The following CTIF variants were observed in gnomAD, a reference collection of about 807,000 sequenced individuals.
The protein encoded by CTIF is cap binding complex dependent translation initiation factor.
Under a neutral mutation model 66.0 loss-of-function variants are expected in CTIF, and 21 were observed. The ratio of observed to expected loss-of-function variants is 0.32; its 90% CI spans 0.23 to 0.46. CTIF has a LOEUF of 0.46. Ranked by LOEUF, CTIF falls within the 20% of genes least tolerant of loss-of-function variation. The probability of loss-of-function intolerance (pLI) is 1.00; values close to 1 mark genes in which losing one functional copy is unlikely to be tolerated. For missense variants in CTIF, 739 were observed against 812.7 expected, an observed-to-expected ratio of 0.91 and a Z score of 1.10; for synonymous variants, 345 against 326.4, an observed-to-expected ratio of 1.06 and a Z score of -0.62.
chr18:48,606,951 AC>A (rs2090212669), intron 1 of CTIF, among the ~76,000 whole-genome samples: 1 of 152,224 alleles, frequency 6.6e-6, no homozygotes, highest in South Asian at 2.1e-4. Context: ...TTCTCAATAA[AC>A]ACAGGTATTT....
intron 1 of CTIF, among the ~76,000 whole-genome samples, chr18:48,612,528 C>T (rs887608778): frequency 6.6e-6 from 1 of 152,254 alleles, no homozygotes; most frequent in Non-Finnish European, 1.5e-5. Flanking sequence ...CCAGGAGCTG[C>T]TTGCTGGAGA....
At chr18:48,853,567 T>C (rs956209954) in intron 10 of CTIF, among the ~76,000 whole-genome samples, 5 of 152,202 alleles carry the variant, frequency 3.3e-5, no homozygotes, top group Non-Finnish European at 5.9e-5. Context: ...TGCTCACTCA[T>C]CCCAAAACGA....
chr18:48,717,059 G>A (rs148055593), intron 7 of CTIF, among the ~76,000 whole-genome samples: 1,694 of 152,284 alleles, frequency 0.011, 13 homozygotes, highest in Non-Finnish European at 0.017. Flanking sequence ...TCTGTCCTGC[G>A]ATTGACCGTG....
chr18:48,802,587 G>A (rs1380336347), intron 9 of CTIF, among the ~76,000 whole-genome samples: 2 of 152,244 alleles, frequency 1.3e-5, no homozygotes, highest in African/African-American at 2.4e-5. Context: ...CCAGTGAGCT[G>A]CTGTGTGGGG....
chr18:48,819,320 G>A (rs902332726), intron 10 of CTIF, among the ~76,000 whole-genome samples: 5 of 152,240 alleles, frequency 3.3e-5, no homozygotes, highest in Non-Finnish European at 7.3e-5. Flanking sequence ...GGGCCTGCGT[G>A]GCCTCTTGGG....
At position 48,861,170 on chromosome 18, in the gene CTIF, G is replaced by A. The variant is rs1365299771; in HGVS notation, c.*1611G>A. ...TGGCGAGTGGGGAGAGGCTTCCCCA[G>A]TTCTCTCCAGCTTTCCCTGCAGCTG... On this transcript the variant is annotated 3_prime_UTR_variant, in exon 12 of 12. Transcript: ENST00000256413. 6.6e-6 allele frequency: 1 copy of A among 152,346 alleles called. No individual in the cohort carries two copies. Among genetic ancestry groups the A allele is most frequent in the Non-Finnish European group, 1.5e-5 (1 of 68,208 alleles). 9.4% of individuals were successfully genotyped at this position (152,346 alleles called of 1,614,324 possible).
chr18:48,785,587 T>G (rs1202617005), intron 9 of CTIF, among the ~76,000 whole-genome samples: 1 of 151,784 alleles, frequency 6.6e-6, no homozygotes, highest in African/African-American at 2.4e-5. Context: ...GCAAAAGGCT[T>G]TCAAAAGTGA....
At chr18:48,805,418 G>A (rs1220169420) in intron 9 of CTIF, among the ~76,000 whole-genome samples, 4 of 151,112 alleles carry the variant, frequency 2.6e-5, no homozygotes, top group Admixed American at 2.0e-4. Context: ...GGACCAAGGA[G>A]GAAAGCCTGC....
chr18:48,579,223 G>GTTCAAGTGATTCTCCCAAA (rs879815920), intron 1 of CTIF, among the ~76,000 whole-genome samples: 9 of 152,130 alleles, frequency 5.9e-5, no homozygotes, highest in Non-Finnish European at 5.9e-5. Context: ...CGCCTCCCAG[G>GTTCAAGTGATTCTCCCAAA]TTCAAGTGAT....
At chr18:48,620,394 AAAGTATGAATGCATT>A (rs2090472449) in intron 2 of CTIF, among the ~76,000 whole-genome samples, 1 of 152,170 alleles carries the variant, frequency 6.6e-6, no homozygotes. Context: ...TCTCCCTCAT[AAAGTATGAATGCATT>A]AAGGATAGGG....
intron 3 of CTIF, among the ~76,000 whole-genome samples, chr18:48,658,320 T>C (rs373645948): frequency 5.9e-5 from 9 of 152,168 alleles, no homozygotes; most frequent in African/African-American, 2.2e-4. Flanking sequence ...TGTGCCTGTA[T>C]GTGTGGTGTA....
At chr18:48,855,780 G>A (rs2069314470) in intron 10 of CTIF, among the ~76,000 whole-genome samples, 1 of 152,198 alleles carries the variant, frequency 6.6e-6, no homozygotes, top group Non-Finnish European at 1.5e-5. Context: ...AATGTCTCCA[G>A]GACGTTTTAC....
At chr18:48,858,421 A>C (rs2069378872) in intron 11 of CTIF, among the ~76,000 whole-genome samples, 1 of 152,214 alleles carries the variant, frequency 6.6e-6, no homozygotes, top group African/African-American at 2.4e-5. Flanking sequence ...AGAAGGAGAA[A>C]GCCTGGTCCT....
intron 10 of CTIF, among the ~76,000 whole-genome samples, chr18:48,831,210 CTG>C (rs1170410295): frequency 2.0e-5 from 3 of 152,268 alleles, no homozygotes; most frequent in Non-Finnish European, 4.4e-5. Flanking sequence ...TGTGCCCACA[CTG>C]TGAGTGAACC....
chr18:48,666,636 C>T (rs1412986403), intron 5 of CTIF, among the ~76,000 whole-genome samples: 1 of 152,216 alleles, frequency 6.6e-6, no homozygotes, highest in Non-Finnish European at 1.5e-5. Flanking sequence ...CATTGCCCTC[C>T]CTGTTGTGGG....
chr18:48,570,542 C>A (rs1346027700), intron 1 of CTIF, among the ~76,000 whole-genome samples: 1 of 152,110 alleles, frequency 6.6e-6, no homozygotes, highest in Non-Finnish European at 1.5e-5. Context: ...CACACTGAGG[C>A]TGCCAGAAAA....
chr18:48,711,534 G>T, intron 6 of CTIF, 85 bp from the exon 7 acceptor site: 1 of 993,584 alleles, frequency 1.0e-6, no homozygotes, highest in African/African-American at 1.6e-5. Context: ...TGTCTTAGAT[G>T]CTGGTGTACT....
At chr18:48,758,802 A>G (rs1908673921) in intron 8 of CTIF, among the ~76,000 whole-genome samples, 1 of 152,182 alleles carries the variant, frequency 6.6e-6, no homozygotes, top group African/African-American at 2.4e-5. Flanking sequence ...CTTATGAAAT[A>G]AGAACTGAAG....
chr18:48,553,531 G>T (rs115436414), intron 1 of CTIF, among the ~76,000 whole-genome samples: 1 of 152,204 alleles, frequency 6.6e-6, no homozygotes, highest in Admixed American at 6.5e-5. Flanking sequence ...CAGCCGCCCA[G>T]CTCCTGGCTC....
Sources: gnomAD v4.1 joint callset for allele counts (sites outside exome capture counted in the v4.1 genomes callset) on GRCh38, gnomAD v4.1.1 for gene constraint, MANE v1.5 for transcripts, NCBI Gene and HGNC (gene_info 2026-07-23, HGNC 2026-07-21) for gene names.